Variants in TICAM2 observed in about 807,000 individuals in gnomAD.
TICAM2 encodes TIR domain containing adaptor molecule 2, also known as TIR domain-containing adapter molecule 2.
In TICAM2, 8 loss-of-function variants were observed where a neutral mutation model predicts 7.3. That is an observed-to-expected ratio of 1.10 (90% CI 0.65 to 1.99). The LOEUF (loss-of-function observed/expected upper bound fraction) is 1.99. Among genes scored for constraint, TICAM2 ranks in the 30% most tolerant of loss-of-function variants. The probability of loss-of-function intolerance (pLI) is 0.00; values close to 1 mark genes in which losing one functional copy is unlikely to be tolerated. For synonymous variants in TICAM2, 113 were observed against 99.6 expected, an observed-to-expected ratio of 1.13 and a Z score of -0.80; for missense variants, 304 against 278.8, an observed-to-expected ratio of 1.09 and a Z score of -0.65.
In TICAM2 at chr5:115,591,032, C is replaced by T. The variant is rs139404001; in HGVS notation, c.-59-9717G>A. ...GTGGACTAGGTAATTTGGATCAATG[C>T]TACTGCTGAGGATAACTAGAAAAGC... On this transcript the variant is annotated intron_variant, in intron 1 of 1. Transcript: ENST00000427199. Among the ~76,000 whole-genome samples, 16 of 151,932 alleles carry T rather than the reference C, an allele frequency of 1.1e-4. No individual in the cohort carries two copies. The East Asian group carries it at 2.9e-3, about 28-fold the overall frequency.
At chr5:115,590,378 A>G (rs549545631) in intron 1 of TICAM2, among the ~76,000 whole-genome samples, 1 of 152,302 alleles carries the variant, frequency 6.6e-6, no homozygotes, top group Admixed American at 6.5e-5. Context: ...AACAGAAAAG[A>G]TTACAAAGTA....
At chr5:115,592,274 G>A (rs1755336852) in intron 1 of TICAM2, among the ~76,000 whole-genome samples, 1 of 152,160 alleles carries the variant, frequency 6.6e-6, no homozygotes, top group East Asian at 1.9e-4. Flanking sequence ...TGAAAGCTGA[G>A]ACGAAATAAA....
intron 1 of TICAM2, among the ~76,000 whole-genome samples, chr5:115,600,658 G>A (rs1020923702): frequency 6.6e-6 from 1 of 152,148 alleles, no homozygotes; most frequent in African/African-American, 2.4e-5. Context: ...GGAAAGATGA[G>A]AACTGTGCAC....
At chr5:115,597,096 ACCT>A (rs1755539795) in intron 1 of TICAM2, among the ~76,000 whole-genome samples, 1 of 152,008 alleles carries the variant, frequency 6.6e-6, no homozygotes, top group Admixed American at 6.6e-5. Flanking sequence ...AATTATGTAA[ACCT>A]CCTCATTTTT....
At chr5:115,582,192 T>C (rs1754949584) in intron 1 of TICAM2, among the ~76,000 whole-genome samples, 1 of 152,146 alleles carries the variant, frequency 6.6e-6, no homozygotes, top group Admixed American at 6.5e-5. Context: ...GGTCTGGCTC[T>C]GTTGCCCAGG....
intron 1 of TICAM2, among the ~76,000 whole-genome samples, chr5:115,594,895 T>G (rs946275091): frequency 6.6e-6 from 1 of 152,282 alleles, no homozygotes; most frequent in South Asian, 2.1e-4. Context: ...TTAGGAGATT[T>G]TTTTTTAGGA....
At chr5:115,594,678 G>C (rs1010204016) in intron 1 of TICAM2, among the ~76,000 whole-genome samples, 7 of 151,804 alleles carry the variant, frequency 4.6e-5, no homozygotes, top group Admixed American at 4.6e-4. Flanking sequence ...AGACCTGTTA[G>C]AAAAAAAATA....
chr5:115,592,114 G>A (rs922844526), intron 1 of TICAM2, among the ~76,000 whole-genome samples: 7 of 152,152 alleles, frequency 4.6e-5, no homozygotes, highest in African/African-American at 1.7e-4. Context: ...TTAACGTGAT[G>A]AAAGAAAATA....
intron 1 of TICAM2, among the ~76,000 whole-genome samples, chr5:115,598,096 T>C (rs1755581883): frequency 6.6e-6 from 1 of 152,214 alleles, no homozygotes; most frequent in Admixed American, 6.5e-5. Flanking sequence ...GAAAAAATAG[T>C]TTTTTAGTAA....
At chr5:115,584,257 A>G (rs908940363) in intron 1 of TICAM2, among the ~76,000 whole-genome samples, 2 of 152,326 alleles carry the variant, frequency 1.3e-5, no homozygotes, top group African/African-American at 2.4e-5. Flanking sequence ...ATCATTATTC[A>G]TATGTATACA....
chr5:115,591,780 C>T (rs1189407917), intron 1 of TICAM2, among the ~76,000 whole-genome samples: 1 of 151,944 alleles, frequency 6.6e-6, no homozygotes, highest in Non-Finnish European at 1.5e-5. Context: ...GTAAAAGCTA[C>T]ACAGAACAAC....
Position 115,601,336 on chromosome 5 carries a change from G to T in TICAM2, c.-60+761C>A, listed in dbSNP as rs897952530. Among the ~76,000 whole-genome samples the T allele has an allele frequency of 4.7e-5, 7 of 148,512 alleles. No homozygotes were observed. The East Asian group carries it at 1.4e-3, about 29-fold the overall frequency. On this transcript the variant is annotated intron_variant, in intron 1 of 1. Transcript: ENST00000427199. ...TTACCAAATTAAACCTTCAGAGGTG[G>T]GGGGATGCATTTTAAACAAAAGTCC...
At chr5:115,592,108 C>T (rs1435611719) in intron 1 of TICAM2, among the ~76,000 whole-genome samples, 1 of 151,984 alleles carries the variant, frequency 6.6e-6, no homozygotes, top group South Asian at 2.1e-4. Context: ...ATAGCTTTAA[C>T]GTGATGAAAG....
chr5:115,601,263 T>A (rs1241456064), intron 1 of TICAM2, among the ~76,000 whole-genome samples: 1 of 152,110 alleles, frequency 6.6e-6, no homozygotes, highest in East Asian at 1.9e-4. Flanking sequence ...GAACATAAAA[T>A]TAAATTAAAC....
chr5:115,594,511 T>C (rs1036017741), intron 1 of TICAM2, among the ~76,000 whole-genome samples: 1 of 152,242 alleles, frequency 6.6e-6, no homozygotes, highest in Non-Finnish European at 1.5e-5. Context: ...CTAAGTTCTG[T>C]CATTGGCTCT....
chr5:115,590,278 C>CTA (rs1238850361), intron 1 of TICAM2, among the ~76,000 whole-genome samples: 3 of 152,084 alleles, frequency 2.0e-5, no homozygotes, highest in African/African-American at 7.2e-5. Context: ...CCACTGCACT[C>CTA]TAGTTTAGGC....
In TICAM2 at chr5:115,580,562, T is replaced by C; in HGVS notation, c.695A>G (p.Gln232Arg). The C allele has an allele frequency of 6.3e-7, 1 of 1,590,640 alleles. No homozygotes were observed. Among genetic ancestry groups the C allele is most frequent in the Non-Finnish European group, 8.5e-7 (1 of 1,172,290 alleles). ...ATATGTTTCATCTCAGGCAATAAAT[T>C]GTCTTTGTACCATATTTCTTGTCTC... Reference protein sequence around the residue: ...WKETRNMVQRQFIA With the variant: ...WKETRNMVQRRFIA Residue 232 changes from glutamine to arginine, a missense_variant, in exon 2 of 2, where the codon CAA becomes CGA. Physicochemically the swap from Gln to Arg is conservative, Grantham distance 43. Transcript: ENST00000427199.
rs1178935056 is a variant in TICAM2, at chr5:115,602,367, C to T, written c.-330G>A. 2 of 152,584 alleles carry T rather than the reference C, an allele frequency of 1.3e-5. No individual in the cohort carries two copies. Among genetic ancestry groups the T allele is most frequent in the African/African-American group, 4.8e-5 (2 of 41,590 alleles). 9.5% of individuals were successfully genotyped at this position (152,584 alleles called of 1,614,324 possible). A position where few individuals can be genotyped will look rare whatever the true frequency, so the allele number is the denominator to read the frequency against. The stretch of plus-strand genomic sequence containing the variant: ...GCCTGACTGCTGTTGGCGCCCACCC[C>T]GCCGCCCCCGAGGGGCCGCTCGAGG... On this transcript the variant is annotated 5_prime_UTR_variant, in exon 1 of 2. Transcript: ENST00000427199.
rs1755790035 is a variant in TICAM2, at chr5:115,602,220, GGCGCGCC to G, written c.-190_-184del. On this transcript the variant is annotated 5_prime_UTR_variant, in exon 1 of 2. Coordinates refer to ENST00000427199, the MANE Select transcript of TICAM2 (RefSeq NM_021649.7). ...GAGAGTTTGGGGCCGTCCCGTACGC[GGCGCGCC>G]GCAACCCAGTCCCCGCGACCACAGC... The G allele has an allele frequency of 1.3e-5, 2 of 152,512 alleles. No individual in the cohort carries two copies. The highest frequency in any genetic ancestry group is 6.5e-5 in the Admixed American group (1 of 15,284). The allele number at this position is 152,512 out of a possible 1,614,324, so 9.4% of individuals were successfully genotyped here. A position where few individuals can be genotyped will look rare whatever the true frequency, so the allele number is the denominator to read the frequency against.
Sources: allele counts gnomAD v4.1 joint callset (sites outside exome capture counted in the v4.1 genomes callset), GRCh38; gene constraint gnomAD v4.1.1; transcripts MANE v1.5; gene names NCBI Gene and HGNC (gene_info 2026-07-23, HGNC 2026-07-21).